SIK2: variants seen among roughly 807,000 people sequenced by gnomAD.
SIK2 encodes salt inducible kinase 2.
In SIK2, 29 loss-of-function variants were observed where a neutral mutation model predicts 103.2. The observed-to-expected ratio is 0.28, with a 90% confidence interval of 0.21 to 0.38. SIK2 has a LOEUF of 0.38. Among genes scored for constraint, SIK2 ranks in the 10% least tolerant of loss-of-function variants. SIK2 has a pLI of 1.00. For synonymous variants in SIK2, 412 were observed against 446.1 expected, an observed-to-expected ratio of 0.92 and a Z score of 0.96; for missense variants, 879 against 1,171.0, an observed-to-expected ratio of 0.75 and a Z score of 3.64.
intron 7 of SIK2, among the ~76,000 whole-genome samples, chr11:111,704,169 C>G (rs972333879): frequency 2.6e-5 from 4 of 152,214 alleles, no homozygotes; most frequent in Non-Finnish European, 4.4e-5. Flanking sequence ...CTGCTTTGCT[C>G]ACTTTGCGCC....
intron 3 of SIK2, among the ~76,000 whole-genome samples, chr11:111,657,673 G>C (rs1326012089): frequency 1.3e-5 from 2 of 152,216 alleles, no homozygotes; most frequent in Non-Finnish European, 2.9e-5. Flanking sequence ...ACAGGCATGA[G>C]CCACCATGCC....
rs1350574357 is a variant in SIK2 at position 111,729,735 on chromosome 11, A to T, written c.*5606A>T. ...TATTGTTCCCACAACCTTATTCTCC[A>T]CTCAACAGCCGCCTGGCTTTGGGGA... On this transcript the variant is annotated 3_prime_UTR_variant, in exon 15 of 15. Transcript: ENST00000304987. The T allele has an allele frequency of 6.6e-6, 1 of 152,186 alleles. No individual in the cohort carries two copies. Among genetic ancestry groups the T allele is most frequent in the East Asian group, 1.9e-4 (1 of 5,196 alleles). The allele number at this position is 152,186 out of a possible 1,614,324, so 9.4% of individuals were successfully genotyped here.
At chr11:111,720,098 AT>A (rs1439807019) in intron 10 of SIK2, 95 bp downstream of exon 10, 1 of 1,192,978 alleles carries the variant, frequency 8.4e-7, no homozygotes, top group Non-Finnish European at 1.2e-6. Flanking sequence ...AACACCTAAA[AT>A]TGAGTCGATA....
At chr11:111,619,550 G>T (rs911789004) in intron 2 of SIK2, among the ~76,000 whole-genome samples, 14 of 152,176 alleles carry the variant, frequency 9.2e-5, no homozygotes, top group Non-Finnish European at 1.9e-4. Context: ...TTGCCATGTT[G>T]GCCAGGCTGG....
In SIK2 at chr11:111,614,538, A is replaced by G. The variant is rs553096145; in HGVS notation, c.136-1705A>G. 5.9e-5 allele frequency among the ~76,000 whole-genome samples: 9 copies of G among 152,362 alleles called. 1 individual carries two copies. The highest frequency in any genetic ancestry group is 2.2e-4 in the African/African-American group (9 of 41,578). Reference sequence around the variant, plus strand: ...AGGGAAAAGAAAATGTTAAGAAAATAACAAGGAAAATACATTTATTACTCA... The same window carrying G: ...AGGGAAAAGAAAATGTTAAGAAAATGACAAGGAAAATACATTTATTACTCA... On this transcript the variant is annotated intron_variant, in intron 1 of 14. Transcript: ENST00000304987.
At chr11:111,649,117 T>C (rs1942295828) in intron 3 of SIK2, among the ~76,000 whole-genome samples, 1 of 152,240 alleles carries the variant, frequency 6.6e-6, no homozygotes, top group Admixed American at 6.5e-5. Context: ...GTGCCCCTTA[T>C]ATTTCAGCAT....
intron 3 of SIK2, among the ~76,000 whole-genome samples, chr11:111,631,252 A>G (rs1407112538): frequency 6.6e-6 from 1 of 152,210 alleles, no homozygotes; most frequent in African/African-American, 2.4e-5. Context: ...AGCTGATGAG[A>G]CATCAGAGAA....
intron 1 of SIK2, among the ~76,000 whole-genome samples, chr11:111,611,314 T>G (rs1223967830): frequency 6.6e-6 from 1 of 152,086 alleles, no homozygotes; most frequent in Non-Finnish European, 1.5e-5. Flanking sequence ...AAATAACTTC[T>G]CAGAAGAGTC....
chr11:111,703,096 A>G, intron 6 of SIK2, 107 bp from the exon 7 acceptor site: 1 of 901,914 alleles, frequency 1.1e-6, no homozygotes, highest in Non-Finnish European at 1.7e-6. Context: ...GCTTTCCAGT[A>G]GAGGATACAA....
At chr11:111,709,191 CT>C (rs1943429408) in intron 8 of SIK2, among the ~76,000 whole-genome samples, 1 of 152,196 alleles carries the variant, frequency 6.6e-6, no homozygotes, top group African/African-American at 2.4e-5. Flanking sequence ...AGCTGGCTGT[CT>C]TTTCACTGGC....
At chr11:111,652,714 A>T (rs1342792217) in intron 3 of SIK2, among the ~76,000 whole-genome samples, 2 of 152,226 alleles carry the variant, frequency 1.3e-5, no homozygotes, top group African/African-American at 4.8e-5. Flanking sequence ...CAAGTACTCT[A>T]CCAATCATCT....
intron 3 of SIK2, among the ~76,000 whole-genome samples, chr11:111,625,616 G>T (rs920750996): frequency 1.3e-5 from 2 of 152,186 alleles, no homozygotes; most frequent in African/African-American, 4.8e-5. Context: ...TGTGACAAAT[G>T]ATGCCGATAG....
At chr11:111,663,510 G>A (rs1413901667) in intron 3 of SIK2, among the ~76,000 whole-genome samples, 1 of 152,138 alleles carries the variant, frequency 6.6e-6, no homozygotes, top group African/African-American at 2.4e-5. Flanking sequence ...AATAGACCAT[G>A]GTAGAGACTT....
rs768040302 is a variant in SIK2 at position 111,616,239 on chromosome 11, G to A, written c.136-4G>A. On this transcript the variant is annotated splice_region_variant and splice_polypyrimidine_tract_variant and intron_variant, in intron 1 of 14. Coordinates refer to ENST00000304987, the MANE Select transcript of SIK2 (RefSeq NM_015191.3). ...ATTGTATTTATTTGTGTTCTGGGATGCAGGTGGCAATAAAAATAATCGATA... is the reference window on the plus strand; with the variant it reads ...ATTGTATTTATTTGTGTTCTGGGATACAGGTGGCAATAAAAATAATCGATA... 6 of 1,581,650 alleles carry A rather than the reference G, an allele frequency of 3.8e-6. No homozygotes were observed. The highest frequency in any genetic ancestry group is 5.2e-6 in the Non-Finnish European group (6 of 1,150,934).
intron 9 of SIK2, among the ~76,000 whole-genome samples, chr11:111,719,374 T>G (rs1292843024): frequency 2.1e-5 from 2 of 96,884 alleles, no homozygotes; most frequent in Admixed American, 2.3e-4. Context: ...TTTTTTTTTT[T>G]TAGCAATGAG....
intron 3 of SIK2, among the ~76,000 whole-genome samples, chr11:111,674,066 T>G (rs986341891): frequency 1.4e-5 from 1 of 70,150 alleles, no homozygotes; most frequent in Non-Finnish European, 3.0e-5. Context: ...AGAGCAAGAC[T>G]CCATTAAAAA....
At chr11:111,619,501 A>G (rs1345858219) in intron 2 of SIK2, among the ~76,000 whole-genome samples, 1 of 151,988 alleles carries the variant, frequency 6.6e-6, no homozygotes, top group Non-Finnish European at 1.5e-5. Flanking sequence ...ACACCACCAC[A>G]CCTGGCTAAT....
At chr11:111,634,580 A>AACC in intron 3 of SIK2, among the ~76,000 whole-genome samples, 1 of 152,270 alleles carries the variant, frequency 6.6e-6, no homozygotes, top group Non-Finnish European at 1.5e-5. Flanking sequence ...GAATCACTTC[A>AACC]ACACCTAAGT....
Position 111,720,931 on chromosome 11 carries a change from C to A in SIK2, c.1813C>A (p.Leu605Met). The A allele has an allele frequency of 6.2e-7, 1 of 1,613,894 alleles. No homozygotes were observed. The highest frequency in any genetic ancestry group is 1.7e-5 in the Admixed American group (1 of 59,958). ...IVAFRQHLQNLARTKGILELN... is the reference protein window; with the variant it reads ...IVAFRQHLQNMARTKGILELN... ...AGCATTTAGACAACATCTTCAGAAT[C>A]TGGCTAGAACCAAAGGAATTCTAGA... The change falls in exon 12 of 15, where the codon CTG (leucine) becomes ATG (methionine). Residue 605 changes from leucine (L) to methionine (M), a missense_variant. Transcript: ENST00000304987.
Sources: allele counts gnomAD v4.1 joint callset (sites outside exome capture counted in the v4.1 genomes callset), GRCh38; gene constraint gnomAD v4.1.1; transcripts MANE v1.5; gene names NCBI Gene and HGNC (gene_info 2026-07-23, HGNC 2026-07-21).